The following NEU4 variants were observed in gnomAD, a reference collection of about 807,000 sequenced individuals.
NEU4 encodes sialidase-4.
A neutral mutation model predicts 9.9 loss-of-function variants in NEU4; 7 were observed. That is an observed-to-expected ratio of 0.71 (90% CI 0.40 to 1.33). The LOEUF is 1.33. NEU4 is among the 40% of genes most tolerant of loss of function. The probability of loss-of-function intolerance (pLI) is 0.01; values close to 1 mark genes in which losing one functional copy is unlikely to be tolerated. For synonymous variants in NEU4, 348 were observed against 316.9 expected, an observed-to-expected ratio of 1.10 and a Z score of -1.04; for missense variants, 717 against 712.6, an observed-to-expected ratio of 1.01 and a Z score of -0.07.
chr2:241,815,836 C>A (rs902643253), intron 3 of NEU4: 2 of 605,508 alleles, frequency 3.3e-6, no homozygotes, highest in Non-Finnish European at 5.8e-6. Context: ...CCCTGGGTGC[C>A]GTCCACCTGG....
chr2:241,816,023 C>A (rs1285969777), intron 3 of NEU4, 28 bp from the exon 4 acceptor site: 2 of 1,559,664 alleles, frequency 1.3e-6, no homozygotes, highest in South Asian at 2.4e-5. Context: ...CCCAGCAGCC[C>A]CTCCCACCTC....
intron 1 of NEU4, among the ~76,000 whole-genome samples, chr2:241,812,962 C>T (rs571885224): frequency 1.5e-4 from 23 of 152,222 alleles, no homozygotes; most frequent in Non-Finnish European, 2.9e-4. Context: ...ACCTGCTTCC[C>T]GCTTGGGCAC....
In NEU4 at chr2:241,816,882, A is replaced by C; in HGVS notation, c.1289A>C (p.Glu430Ala). The C allele has an allele frequency of 6.2e-7, 1 of 1,612,554 alleles. No individual in the cohort carries two copies. ...CTGGCGTCCATCGGGCCGGCCCCTG[A>C]GGGGGGCCTGGTTTTTGCCTGCCTG... ...SDLASIGPAP[E>A]GGLVFACLYE... Residue 430 changes from glutamate (E) to alanine (A), a missense_variant, in exon 4 of 4, where the codon GAG becomes GCG. Physicochemically the swap from Glu to Ala is moderately radical, Grantham distance 107. Transcript: ENST00000407683.
chr2:241,817,212 A>T lies in NEU4; in HGVS notation c.*164A>T. On this transcript the variant is annotated 3_prime_UTR_variant, in exon 4 of 4. Transcript: ENST00000407683. ...CTCAAGCAGGGACTGCTCTTTAGGA[A>T]GGGGAGCAGCGGCTGGGAGTGAGCA... 8.1e-6 allele frequency: 3 copies of T among 368,322 alleles called. No individual in the cohort carries two copies. Among genetic ancestry groups the T allele is most frequent in the African/African-American group, 4.6e-5 (2 of 43,396 alleles). The allele number at this position is 368,322 out of a possible 1,614,324, so 22.8% of individuals were successfully genotyped here.
At chr2:241,814,435 C>A in intron 1 of NEU4, 47 bp from the exon 2 acceptor site, 1 of 1,564,926 alleles carries the variant, frequency 6.4e-7, no homozygotes, top group Non-Finnish European at 8.8e-7. Context: ...GAGTGTGGGG[C>A]TCCCTGGGCC....
chr2:241,816,383 G>T lies in NEU4; in HGVS notation c.790G>T (p.Glu264Ter). 6.3e-7 allele frequency: 1 copy of T among 1,597,424 alleles called. No individual in the cohort carries two copies. Among genetic ancestry groups the T allele is most frequent in the East Asian group, 2.3e-5 (1 of 44,074 alleles). ...TDEGTSFLPAERVASLPETAW... is the reference protein window; with the variant it reads ...TDEGTSFLPA ...CGAGGGCACCTCCTTCCTGCCCGCA[G>T]AGCGCGTGGCTTCCCTGCCCGAGAC... The change falls in exon 4 of 4, where the codon GAG becomes TAG. Residue 264 changes from glutamate to a stop codon, truncating the protein, a stop_gained. Coordinates refer to ENST00000407683, the MANE Select transcript of NEU4 (RefSeq NM_001167600.3). LOFTEE classifies it low-confidence loss of function (END_TRUNC).
rs1004197870 is a variant in NEU4 at position 241,810,907 on chromosome 2, C to T, written c.-4+1633C>T. 4 of 986,854 alleles carry T rather than the reference C, an allele frequency of 4.1e-6. No homozygotes were observed. The Admixed American group carries it at 1.8e-4, about 45-fold the overall frequency. 61.1% of individuals were successfully genotyped at this position (986,854 alleles called of 1,614,324 possible). A position where few individuals can be genotyped will look rare whatever the true frequency, so the allele number is the denominator to read the frequency against. On this transcript the variant is annotated intron_variant, in intron 1 of 3. Coordinates refer to ENST00000407683, the MANE Select transcript of NEU4 (RefSeq NM_001167600.3). ...CGGCAGCTGTGCTGGGGAGGGGTCA[C>T]CCTGGGCCCTGAGAGGCACAGGACA...
rs200562216 is a variant in NEU4 at position 241,811,228 on chromosome 2, G to A, written c.-4+1954G>A. ...GTTGAGTGCCTTGACCTGCAGAGGG[G>A]AGCCTGTGCTGGTCCCGGGCGTCTG... On this transcript the variant is annotated intron_variant, in intron 1 of 3. Transcript: ENST00000407683. The A allele has an allele frequency of 1.0e-3, 1,264 of 1,247,180 alleles. 10 individuals are homozygous for A. The African/African-American group carries it at 0.018, about 18-fold the overall frequency. The allele number at this position is 1,247,180 out of a possible 1,614,324, so 77.3% of individuals were successfully genotyped here.
In NEU4 at chr2:241,814,915, G is replaced by A. The variant is rs752475172; in HGVS notation, c.225G>A (p.Gly75=). The A allele has an allele frequency of 1.2e-6, 2 of 1,611,730 alleles. No individual in the cohort carries two copies. The highest frequency in any genetic ancestry group is 1.7e-6 in the Non-Finnish European group (2 of 1,179,448). Residue 75 remains glycine (G), a synonymous_variant, in exon 3 of 4, where the codon GGG becomes GGA. Transcript: ENST00000407683. ...AGTGGGGTGCCCTGCACGTGCTGGG[G>A]ACAGCAGCCCTGGCGGAGCACCGGT... ...SVRWGALHVL[G]TAALAEHRSM...
intron 1 of NEU4, chr2:241,810,665 G>A (rs1458689059): frequency 1.3e-5 from 2 of 155,722 alleles, no homozygotes; most frequent in Non-Finnish European, 2.8e-5. Context: ...TGGTTACCAA[G>A]GCTGCCTCTG....
intron 2 of NEU4, 34 bp from the exon 3 acceptor site, chr2:241,814,855 GGAC>G (rs1244364739): frequency 6.3e-7 from 1 of 1,585,358 alleles, no homozygotes; most frequent in Non-Finnish European, 8.6e-7. Flanking sequence ...CCAGGTCCCT[GGAC>G]GTCCTGGTCA....
intron 1 of NEU4, chr2:241,811,453 A>T: frequency 6.4e-7 from 1 of 1,570,006 alleles, no homozygotes; most frequent in Non-Finnish European, 8.7e-7. Context: ...AGCCTTCCCA[A>T]GGTGGCTGGT....
At chr2:241,814,330 C>T (rs1700227922) in intron 1 of NEU4, 152 bp from the exon 2 acceptor site, 2 of 706,714 alleles carry the variant, frequency 2.8e-6, no homozygotes, top group South Asian at 3.7e-5. Flanking sequence ...GAGTCAGAAA[C>T]AGGGCTGACC....
chr2:241,815,860 G>C, intron 3 of NEU4, 191 bp from the exon 4 acceptor site: 1 of 633,932 alleles, frequency 1.6e-6, no homozygotes, highest in Non-Finnish European at 2.7e-6. Flanking sequence ...CGGCTGCTAA[G>C]GGCTGTGAGA....
At chr2:241,813,717 T>C in intron 1 of NEU4, 1 of 405,408 alleles carries the variant, frequency 2.5e-6, no homozygotes. Context: ...ATGAGGGCAC[T>C]GTGGGGCCAG....
Position 241,814,929 on chromosome 2 carries a change from C to T in NEU4, c.239C>T (p.Ala80Val), listed in dbSNP as rs780590587. The T allele has an allele frequency of 1.6e-5, 25 of 1,611,796 alleles. No individual in the cohort carries two copies. Among genetic ancestry groups the T allele is most frequent in the East Asian group, 4.5e-5 (2 of 44,874 alleles). ...CACGTGCTGGGGACAGCAGCCCTGG[C>T]GGAGCACCGGTCCATGAACCCCTGC... is the stretch of plus-strand genomic sequence containing the variant. ...ALHVLGTAALAEHRSMNPCPV... is the reference protein window; with the variant it reads ...ALHVLGTAALVEHRSMNPCPV... Residue 80 changes from alanine to valine, a missense_variant, in exon 3 of 4, where the codon GCG (alanine) becomes GTG (valine). By Grantham distance (64) the Ala-to-Val change is moderately conservative. Transcript: ENST00000407683.
rs1191794039 is a variant in NEU4 at position 241,817,030 on chromosome 2, G to T, written c.1437G>T (p.Gly479=). 3.8e-6 allele frequency: 6 copies of T among 1,596,054 alleles called. No individual in the cohort carries two copies. The highest frequency in any genetic ancestry group is 5.1e-6 in the Non-Finnish European group (6 of 1,171,996). ...CCAACCTTGGGGACAAGCCTCGGGG[G>T]TGCTGCTGGCCCTCCTGACAGGCCT... ...KPPNLGDKPR[G]CCWPS Residue 479 remains glycine (G), a synonymous_variant, in exon 4 of 4, where the codon GGG becomes GGT. Coordinates refer to ENST00000407683, the MANE Select transcript of NEU4 (RefSeq NM_001167600.3).
chr2:241,809,620 G>T (rs997767761), intron 1 of NEU4: 3 of 263,062 alleles, frequency 1.1e-5, no homozygotes, highest in Non-Finnish European at 2.2e-5. Context: ...CGTGGGCCAT[G>T]GGGTGACAGT....
rs981482059 is a variant in NEU4, at chr2:241,811,559, C to T, written c.-4+2285C>T. ...TGAGGTATCTGTCCAGCTGGCCGCC[C>T]CCTCTGTCTGGGGGTGCTGGACGAG... is the stretch of plus-strand genomic sequence containing the variant. On this transcript the variant is annotated intron_variant, in intron 1 of 3. Coordinates refer to ENST00000407683, the MANE Select transcript of NEU4 (RefSeq NM_001167600.3). 3.5e-6 allele frequency: 4 copies of T among 1,135,870 alleles called. No individual in the cohort carries two copies. The Admixed American group carries it at 1.5e-4, about 43-fold the overall frequency. The allele number at this position is 1,135,870 out of a possible 1,614,324, so 70.4% of individuals were successfully genotyped here. A position where few individuals can be genotyped will look rare whatever the true frequency, so the allele number is the denominator to read the frequency against.
Sources: allele counts gnomAD v4.1 joint callset (sites outside exome capture counted in the v4.1 genomes callset), GRCh38; gene constraint gnomAD v4.1.1; transcripts MANE v1.5; gene names NCBI Gene and HGNC (gene_info 2026-07-23, HGNC 2026-07-21).